SF3B3: variants seen among roughly 807,000 people sequenced by gnomAD.
The protein encoded by SF3B3 is splicing factor 3b subunit 3.
Under a neutral mutation model 139.2 loss-of-function variants are expected in SF3B3, and 33 were observed. The ratio of observed to expected loss-of-function variants is 0.24; its 90% CI spans 0.18 to 0.32. The LOEUF (loss-of-function observed/expected upper bound fraction) is 0.32, where lower values mean the gene tolerates loss of function less well. Ranked by LOEUF, SF3B3 falls within the 10% of genes least tolerant of loss-of-function variation. SF3B3 has a pLI of 1.00. For synonymous variants in SF3B3, 596 were observed against 563.6 expected (o/e 1.06, Z -0.81); for missense variants, 818 against 1,509.4 (o/e 0.54, Z 7.59).
intron 15 of SF3B3, among the ~76,000 whole-genome samples, chr16:70,560,125 A>G (rs1332928554): frequency 1.3e-5 from 2 of 152,174 alleles, no homozygotes; most frequent in African/African-American, 4.8e-5. Context: ...TTTAAGAGGA[A>G]ATGCTGTTTA....
intron 5 of SF3B3, among the ~76,000 whole-genome samples, chr16:70,533,949 C>A (rs2050144431): frequency 6.6e-6 from 1 of 152,204 alleles, no homozygotes; most frequent in Non-Finnish European, 1.5e-5. Flanking sequence ...CTAAGTCAGT[C>A]TGCTGGATCT....
In SF3B3 at chr16:70,565,107, G is replaced by A. The variant is rs769655971; in HGVS notation, c.2506G>A (p.Ala836Thr). 6.2e-7 allele frequency: 1 copy of A among 1,613,982 alleles called. No individual in the cohort carries two copies. Among genetic ancestry groups the A allele is most frequent in the Non-Finnish European group, 8.5e-7 (1 of 1,180,046 alleles). ...AAGEDERELAAEMAAAFLNEN... is the reference protein window; with the variant it reads ...AAGEDERELATEMAAAFLNEN... Reference sequence around the variant, plus strand: ...AGGGGAGGATGAGCGGGAGCTGGCCGCAGAGATGGCAGCAGCATTCCTCAA... The same window carrying A: ...AGGGGAGGATGAGCGGGAGCTGGCCACAGAGATGGCAGCAGCATTCCTCAA... Residue 836 changes from alanine to threonine, a missense_variant, in exon 19 of 26, where the codon GCA becomes ACA. Coordinates refer to ENST00000302516, the MANE Select transcript of SF3B3 (RefSeq NM_012426.5).
intron 18 of SF3B3, among the ~76,000 whole-genome samples, chr16:70,564,433 G>A (rs991431841): frequency 6.6e-6 from 1 of 152,126 alleles, no homozygotes; most frequent in Non-Finnish European, 1.5e-5. Flanking sequence ...GCTTTTTTCA[G>A]CTTTTTTAAG....
chr16:70,540,771 C>T (rs1003839362), intron 8 of SF3B3, among the ~76,000 whole-genome samples: 1 of 151,948 alleles, frequency 6.6e-6, no homozygotes, highest in African/African-American at 2.4e-5. Context: ...GTTTTGGTAG[C>T]CTGTATCAGA....
intron 11 of SF3B3, among the ~76,000 whole-genome samples, chr16:70,548,768 G>A (rs1033328276): frequency 2.0e-5 from 3 of 152,180 alleles, no homozygotes; most frequent in Non-Finnish European, 4.4e-5. Flanking sequence ...TGATATGAGG[G>A]AAAGTTGTGC....
chr16:70,548,332 T>G, intron 10 of SF3B3, 38 bp from the exon 11 acceptor site: 1 of 1,563,468 alleles, frequency 6.4e-7, no homozygotes, highest in Non-Finnish European at 8.8e-7. Context: ...CTGAGTTGCA[T>G]GCTCACTGGA....
Position 70,571,182 on chromosome 16 carries a change from T to C in SF3B3, c.3496T>C (p.Tyr1166His). The change falls in exon 25 of 26, where the codon TAC (tyrosine) becomes CAC (histidine). Residue 1166 changes from tyrosine to histidine, a missense_variant. By Grantham distance (83) the Tyr-to-His change is moderately conservative. Transcript: ENST00000302516. The stretch of plus-strand genomic sequence containing the variant: ...GCGGGACCACCTCAGCTTTCGCTCC[T>C]ACTACTTCCCTGTGAAGGTAGGTTG... Reference protein sequence around the residue: ...CGRDHLSFRSYYFPVKNVIDG... With the variant: ...CGRDHLSFRSHYFPVKNVIDG... The C allele has an allele frequency of 6.2e-7, 1 of 1,612,042 alleles. No homozygotes were observed. The highest frequency in any genetic ancestry group is 8.5e-7 in the Non-Finnish European group (1 of 1,178,094).
rs2050578172 is a variant in SF3B3 at position 70,576,153 on chromosome 16, A to G, written c.*4340A>G. 6.6e-6 allele frequency: 1 copy of G among 151,930 alleles called. No individual in the cohort carries two copies. The highest frequency in any genetic ancestry group is 2.4e-5 in the African/African-American group (1 of 41,360). The allele number at this position is 151,930 out of a possible 1,614,324, so 9.4% of individuals were successfully genotyped here. On this transcript the variant is annotated 3_prime_UTR_variant, in exon 26 of 26. Transcript: ENST00000302516. Reference sequence around the variant, plus strand: ...GTCTGCTTCACAGTCCAGTGTTATGATCAGTAGCTGTGATGGACAATGAAC... The same window carrying G: ...GTCTGCTTCACAGTCCAGTGTTATGGTCAGTAGCTGTGATGGACAATGAAC...
intron 11 of SF3B3, among the ~76,000 whole-genome samples, chr16:70,551,260 TAC>T (rs2050322204): frequency 6.6e-6 from 1 of 152,184 alleles, no homozygotes; most frequent in African/African-American, 2.4e-5. Flanking sequence ...GACCTAAAGA[TAC>T]AGTCTCATAC....
At chr16:70,544,752 A>G (rs1002676430) in intron 10 of SF3B3, among the ~76,000 whole-genome samples, 6 of 152,196 alleles carry the variant, frequency 3.9e-5, no homozygotes, top group East Asian at 1.9e-4. Context: ...GTGCAATGAC[A>G]TGATCTTGGC....
intron 1 of SF3B3, 70 bp from the exon 2 acceptor site, chr16:70,526,517 A>T: frequency 1.6e-6 from 1 of 618,898 alleles, no homozygotes; most frequent in Non-Finnish European, 2.8e-6. Context: ...CTTCATCCAG[A>T]ATTTCCCATA....
At chr16:70,542,904 G>A (rs2050233133) in intron 9 of SF3B3, among the ~76,000 whole-genome samples, 1 of 151,592 alleles carries the variant, frequency 6.6e-6, no homozygotes, top group Non-Finnish European at 1.5e-5. Flanking sequence ...TGTATTTTTA[G>A]TAGAGACAGG....
Position 70,568,290 on chromosome 16 carries a change from C to T in SF3B3, c.2960C>T (p.Ala987Val). 3.7e-6 allele frequency: 6 copies of T among 1,609,934 alleles called. No homozygotes were observed. The highest frequency in any genetic ancestry group is 5.1e-6 in the Non-Finnish European group (6 of 1,176,344). ...TGTCTTTGTTTTTCCCAGCATATTG[C>T]CAATTATATCTCTGGGATCCAGACT... ...LLRKCENKHI[A>V]NYISGIQTIG... The change falls in exon 22 of 26, where the codon GCC becomes GTC. Residue 987 changes from alanine (A) to valine (V), a missense_variant. Physicochemically the swap from Ala to Val is moderately conservative, Grantham distance 64. This residue lies in a region of SF3B3 where 145 missense variants were observed against 153.6 expected (regional missense o/e 0.94). Transcript: ENST00000302516.
chr16:70,557,566 C>T (rs941721659), intron 15 of SF3B3, among the ~76,000 whole-genome samples: 2 of 152,124 alleles, frequency 1.3e-5, no homozygotes, highest in African/African-American at 2.4e-5. Context: ...ATTTTACTTC[C>T]TAATTTAGAA....
intron 11 of SF3B3, among the ~76,000 whole-genome samples, chr16:70,548,971 A>G (rs1438317443): frequency 6.6e-6 from 1 of 152,182 alleles, no homozygotes; most frequent in Non-Finnish European, 1.5e-5. Flanking sequence ...GGGAAGGAGA[A>G]GGGAGTTTGA....
intron 2 of SF3B3, among the ~76,000 whole-genome samples, chr16:70,527,862 G>A (rs941040359): frequency 2.0e-5 from 3 of 152,036 alleles, no homozygotes; most frequent in East Asian, 1.9e-4. Context: ...TGCCACCTCC[G>A]CCTCCTGGGT....
intron 14 of SF3B3, 53 bp from the exon 15 acceptor site, chr16:70,556,833 T>G: frequency 6.2e-7 from 1 of 1,604,722 alleles, no homozygotes; most frequent in African/African-American, 1.3e-5. Flanking sequence ...GGGTATGTTT[T>G]TTTCCTAAAA....
At chr16:70,559,342 C>T (rs747166621) in intron 15 of SF3B3, among the ~76,000 whole-genome samples, 24 of 152,008 alleles carry the variant, frequency 1.6e-4, no homozygotes, top group Non-Finnish European at 3.5e-4. Flanking sequence ...GAGTGAGGGC[C>T]ACAGCACTCC....
At chr16:70,568,240 C>T (rs772487676) in intron 21 of SF3B3, 43 bp from the exon 22 acceptor site, 2 of 1,494,798 alleles carry the variant, frequency 1.3e-6, no homozygotes, top group South Asian at 1.1e-5. Context: ...GTTCTGAACC[C>T]CAAGATTACA....
Sources: gnomAD v4.1 joint callset for allele counts (sites outside exome capture counted in the v4.1 genomes callset) on GRCh38, gnomAD v4.1.1 for gene constraint, gnomAD v4.1.1 regional missense constraint, MANE v1.5 for transcripts, NCBI Gene and HGNC (gene_info 2026-07-23, HGNC 2026-07-21) for gene names.